Variants in ZNF141 observed in about 807,000 individuals in gnomAD.
The protein encoded by ZNF141 is zinc finger protein 141 (clone pHZ-44).
A neutral mutation model predicts 11.3 loss-of-function variants in ZNF141; 7 were observed. The ratio of observed to expected loss-of-function variants is 0.62; its 90% CI spans 0.35 to 1.16. ZNF141 has a LOEUF of 1.16. Ranked by LOEUF, ZNF141 falls within the 50% of genes most tolerant of loss-of-function variation. The probability of loss-of-function intolerance (pLI) is 0.02; values close to 1 mark genes in which losing one functional copy is unlikely to be tolerated. For synonymous variants in ZNF141, 183 were observed against 190.7 expected (o/e 0.96, Z 0.33); for missense variants, 535 against 554.0 (o/e 0.97, Z 0.34).
At chr4:344,528 G>A in intron 3 of ZNF141, 98 bp downstream of exon 3, 1 of 968,008 alleles carries the variant, frequency 1.0e-6, no homozygotes, top group South Asian at 1.5e-5. Context: ...GGGTGCAGTG[G>A]CTCATGCCTG....
At chr4:358,783 C>T (rs1043291514) in intron 3 of ZNF141, among the ~76,000 whole-genome samples, 1 of 151,842 alleles carries the variant, frequency 6.6e-6, no homozygotes, top group Admixed American at 6.6e-5. Context: ...ACCATGTTGG[C>T]CAGGATGGTC....
At chr4:372,028 C>G (rs1712090651) in intron 3 of ZNF141, among the ~76,000 whole-genome samples, 1 of 152,198 alleles carries the variant, frequency 6.6e-6, no homozygotes, top group Non-Finnish European at 1.5e-5. Flanking sequence ...CATACATGTT[C>G]TAAGGATGTG....
chr4:339,833 T>A (rs1471682161), intron 1 of ZNF141, among the ~76,000 whole-genome samples: 4 of 152,236 alleles, frequency 2.6e-5, no homozygotes, highest in African/African-American at 9.6e-5. Context: ...CTTCAGCAGG[T>A]ACCTGCCTTC....
intron 3 of ZNF141, among the ~76,000 whole-genome samples, chr4:359,885 A>G (rs980297793): frequency 6.6e-6 from 1 of 152,142 alleles, no homozygotes; most frequent in East Asian, 1.9e-4. Flanking sequence ...GACATGTGCA[A>G]GGGGTGCAGT....
chr4:372,694 G>T lies in ZNF141; in HGVS notation c.257G>T (p.Trp86Leu), dbSNP rs559062717. The T allele has an allele frequency of 1.9e-6, 3 of 1,568,106 alleles. No homozygotes were observed. In the South Asian group the frequency reaches 3.6e-5, roughly 19 times the overall value. The change falls in exon 4 of 4, where the codon TGG becomes TTG. Residue 86 changes from tryptophan to leucine, a missense_variant. Transcript: ENST00000240499. Reference protein sequence around the residue: ...AMCSHFTQDHWPVQGIEDSFH... With the variant: ...AMCSHFTQDHLPVQGIEDSFH... ...TGTTCTCATTTCACCCAAGACCATT[G>T]GCCAGTGCAGGGCATAGAAGATTCA...
In ZNF141 at chr4:383,323, C is replaced by G. The variant is rs1489338979; in HGVS notation, c.*9461C>G. The G allele has an allele frequency of 6.8e-6, 4 of 584,874 alleles. No individual in the cohort carries two copies. Among genetic ancestry groups the G allele is most frequent in the Non-Finnish European group, 1.2e-5 (4 of 331,524 alleles). The allele number at this position is 584,874 out of a possible 1,614,324, so 36.2% of individuals were successfully genotyped here. A position where few individuals can be genotyped will look rare whatever the true frequency, so the allele number is the denominator to read the frequency against. ...AGCTCAATCCTGAGCTAGTATGTTT[C>G]GGGATTGTTATGCAGTTATAAGTTA... On this transcript the variant is annotated 3_prime_UTR_variant, in exon 4 of 4. Coordinates refer to ENST00000240499, the MANE Select transcript of ZNF141 (RefSeq NM_003441.4).
At position 383,059 on chromosome 4, in the gene ZNF141, T is replaced by C; in HGVS notation, c.*9197T>C. On this transcript the variant is annotated 3_prime_UTR_variant, in exon 4 of 4. Transcript: ENST00000240499. ...ACAGGGTGCCAGTTTGGGGCCCAGG[T>C]TTAAAGGTCCTAAATGCTTCTGTTA... 1.5e-6 allele frequency: 1 copy of C among 655,752 alleles called. No individual in the cohort carries two copies. The highest frequency in any genetic ancestry group is 1.7e-5 in the South Asian group (1 of 58,638). 40.6% of individuals were successfully genotyped at this position (655,752 alleles called of 1,614,324 possible).
chr4:368,244 AT>A (rs201465648), intron 3 of ZNF141, among the ~76,000 whole-genome samples: 9 of 149,792 alleles, frequency 6.0e-5, no homozygotes, highest in East Asian at 2.0e-4. Context: ...TTTTTAAAGG[AT>A]TTTTTTTTTG....
intron 3 of ZNF141, among the ~76,000 whole-genome samples, chr4:351,361 G>A (rs1012011223): frequency 6.6e-6 from 1 of 151,776 alleles, no homozygotes; most frequent in Non-Finnish European, 1.5e-5. Flanking sequence ...AGCCTCCCGA[G>A]TAGCTGGGAC....
rs186511782 is a variant in ZNF141 at position 361,673 on chromosome 4, C to T, written c.227-10991C>T. 9.9e-5 allele frequency among the ~76,000 whole-genome samples: 15 copies of T among 152,218 alleles called. No individual in the cohort carries two copies. The South Asian group carries it at 2.7e-3, about 27-fold the overall frequency. On this transcript the variant is annotated intron_variant, in intron 3 of 3. Coordinates refer to ENST00000240499, the MANE Select transcript of ZNF141 (RefSeq NM_003441.4). ...ATAGTTTGCTCAGAATGATGGTTTC[C>T]ATCTTCATCCATGTCCCTACAAAGG... is the stretch of plus-strand genomic sequence containing the variant.
At chr4:369,236 CTTGT>C (rs1435299316) in intron 3 of ZNF141, among the ~76,000 whole-genome samples, 3 of 151,956 alleles carry the variant, frequency 2.0e-5, no homozygotes, top group Non-Finnish European at 2.9e-5. Context: ...AGTAAATGAA[CTTGT>C]TTATTATTGT....
chr4:371,836 G>A (rs150149687), intron 3 of ZNF141, among the ~76,000 whole-genome samples: 21 of 152,200 alleles, frequency 1.4e-4, no homozygotes, highest in Admixed American at 5.2e-4. Flanking sequence ...CACCATGCCC[G>A]TTCCCTTTTC....
intron 3 of ZNF141, 88 bp downstream of exon 3, chr4:344,518 G>A (rs568607219): frequency 1.1e-5 from 13 of 1,133,278 alleles, no homozygotes; most frequent in South Asian, 2.8e-5. Context: ...GTTTGGGGCC[G>A]GGTGCAGTGG....
At position 374,787 on chromosome 4, in the gene ZNF141, T is replaced by C. The variant is rs192881687; in HGVS notation, c.*925T>C. On this transcript the variant is annotated 3_prime_UTR_variant, in exon 4 of 4. Coordinates refer to ENST00000240499, the MANE Select transcript of ZNF141 (RefSeq NM_003441.4). ...AGGAAAGTCTTACAAATGTGAAGAA[T>C]GTGGCAGTCTTTAAATCTTCCTCAG... The C allele has an allele frequency of 5.8e-5, 9 of 154,558 alleles. No homozygotes were observed. The highest frequency in any genetic ancestry group is 1.9e-4 in the African/African-American group (8 of 41,618). The allele number at this position is 154,558 out of a possible 1,614,324, so 9.6% of individuals were successfully genotyped here.
intron 3 of ZNF141, among the ~76,000 whole-genome samples, chr4:357,770 G>A (rs549253336): frequency 3.4e-5 from 5 of 148,284 alleles, no homozygotes; most frequent in South Asian, 4.2e-4. Context: ...GCAGTGGCAC[G>A]ATCTTGGCTC....
chr4:369,177 T>TCA (rs1190449155), intron 3 of ZNF141, among the ~76,000 whole-genome samples: 2 of 148,214 alleles, frequency 1.3e-5, no homozygotes, highest in Non-Finnish European at 3.0e-5. Context: ...ACACACACAC[T>TCA]CACACACACA....
chr4:353,234 C>T (rs536706773), intron 3 of ZNF141, among the ~76,000 whole-genome samples: 1 of 152,032 alleles, frequency 6.6e-6, no homozygotes, highest in Non-Finnish European at 1.5e-5. Flanking sequence ...GTTAGCCAGG[C>T]ATGGTGGCAC....
At position 375,622 on chromosome 4, in the gene ZNF141, T is replaced by G. The variant is rs1712326722; in HGVS notation, c.*1760T>G. ...AAGTTGAACCTATTAGAGAATTTCT[T>G]TGTATATAAGTTGAAAAGAAGATTT... On this transcript the variant is annotated 3_prime_UTR_variant, in exon 4 of 4. Transcript: ENST00000240499. 6.6e-6 allele frequency among the ~76,000 whole-genome samples: 1 copy of G among 152,048 alleles called. No individual in the cohort carries two copies. The highest frequency in any genetic ancestry group is 1.5e-5 in the Non-Finnish European group (1 of 67,910).
chr4:353,368 C>T (rs1423090308), intron 3 of ZNF141, among the ~76,000 whole-genome samples: 9 of 130,954 alleles, frequency 6.9e-5, no homozygotes, highest in South Asian at 2.6e-4. Context: ...AAGTGAGACC[C>T]TGTCTAAAAA....
Sources: allele counts gnomAD v4.1 joint callset (sites outside exome capture counted in the v4.1 genomes callset), GRCh38; gene constraint gnomAD v4.1.1; transcripts MANE v1.5; gene names NCBI Gene and HGNC (gene_info 2026-07-23, HGNC 2026-07-21).